The following ZFHX3 variants were observed in gnomAD, a reference collection of about 807,000 sequenced individuals.
ZFHX3 encodes the protein zinc finger homeobox protein 3.
Under a neutral mutation model 279.1 loss-of-function variants are expected in ZFHX3, and 42 were observed. The observed-to-expected ratio is 0.15, with a 90% CI of 0.12 to 0.19. The LOEUF (loss-of-function observed/expected upper bound fraction) is 0.19. Ranked by LOEUF, ZFHX3 falls within the 10% of genes least tolerant of loss-of-function variation. ZFHX3 has a pLI of 1.00. For missense variants in ZFHX3, 4,981 were observed against 4,754.0 expected (o/e 1.05, Z -1.40); for synonymous variants, 2,293 against 1,957.8 (o/e 1.17, Z -4.52).
chr16:73,455,263 A>T (rs1317960751), intron 3 of ZFHX3, among the ~76,000 whole-genome samples: 2 of 152,238 alleles, frequency 1.3e-5, no homozygotes, highest in South Asian at 4.1e-4. Context: ...AATGCTTCCC[A>T]GGAACTTTAC....
At chr16:72,895,202 A>G (rs1597355374) in intron 3 of ZFHX3, among the ~76,000 whole-genome samples, 1 of 152,346 alleles carries the variant, frequency 6.6e-6, no homozygotes, top group Non-Finnish European at 1.5e-5. Context: ...TGATGCAGGC[A>G]GTGTCAGCAG....
chr16:72,968,394 G>A (rs1457331431), intron 1 of ZFHX3, among the ~76,000 whole-genome samples: 1 of 151,792 alleles, frequency 6.6e-6, no homozygotes, highest in African/African-American at 2.4e-5. Context: ...ACATAACTGG[G>A]ACAACTGACA....
chr16:73,485,433 A>AG (rs956376495), intron 2 of ZFHX3, among the ~76,000 whole-genome samples: 3 of 99,786 alleles, frequency 3.0e-5, no homozygotes, highest in African/African-American at 1.6e-4. Context: ...AGAAAAAAAA[A>AG]AAAAAAAAAA....
At chr16:73,558,709 CTT>C (rs989644068) in intron 2 of ZFHX3, among the ~76,000 whole-genome samples, 1,561 of 90,370 alleles carry the variant, frequency 0.017, 15 homozygotes, top group African/African-American at 0.066. Context: ...GAAAATGACT[CTT>C]TTTTTTTTTT....
chr16:73,526,925 C>T (rs1465031006), intron 2 of ZFHX3, among the ~76,000 whole-genome samples: 1 of 151,548 alleles, frequency 6.6e-6, no homozygotes, highest in East Asian at 1.9e-4. Flanking sequence ...CTATACAGTC[C>T]TCATTTTAAG....
intron 3 of ZFHX3, among the ~76,000 whole-genome samples, chr16:72,932,603 A>C (rs961099582): frequency 6.6e-6 from 1 of 150,948 alleles, no homozygotes; most frequent in Non-Finnish European, 1.5e-5. Context: ...ATTTCACTAA[A>C]CATCGGTCAT....
At chr16:73,409,668 ATGTTTATTGCAGCAC>A (rs1220557556) in intron 3 of ZFHX3, among the ~76,000 whole-genome samples, 1 of 152,222 alleles carries the variant, frequency 6.6e-6, no homozygotes, top group Non-Finnish European at 1.5e-5. Flanking sequence ...CTGTACTCTC[ATGTTTATTGCAGCAC>A]TGTTCACAAC....
intron 2 of ZFHX3, among the ~76,000 whole-genome samples, chr16:73,540,351 A>G (rs757986475): frequency 5.3e-5 from 8 of 152,308 alleles, no homozygotes; most frequent in South Asian, 2.1e-4. Flanking sequence ...TTAATCATCT[A>G]TTTTCAAGGA....
intron 3 of ZFHX3, among the ~76,000 whole-genome samples, chr16:73,383,675 T>C (rs1567467232): frequency 7.8e-6 from 1 of 127,902 alleles, no homozygotes; most frequent in East Asian, 2.8e-4. Context: ...CCGAAGGAAC[T>C]GGAGGGGTGG....
chr16:72,991,408 A>C (rs1963083562), intron 1 of ZFHX3, among the ~76,000 whole-genome samples: 1 of 152,160 alleles, frequency 6.6e-6, no homozygotes, highest in Admixed American at 6.5e-5. Flanking sequence ...CGTGGCTAGG[A>C]GTATATGCTC....
At chr16:73,797,892 C>T (rs1481149057) in intron 1 of ZFHX3, among the ~76,000 whole-genome samples, 2 of 139,696 alleles carry the variant, frequency 1.4e-5, no homozygotes, top group Admixed American at 7.6e-5. Flanking sequence ...TTGGCTCACT[C>T]AACCTCTTTC....
At chr16:73,381,304 G>A (rs566048535) in intron 3 of ZFHX3, among the ~76,000 whole-genome samples, 79 of 152,074 alleles carry the variant, frequency 5.2e-4, no homozygotes, top group African/African-American at 1.7e-3. Context: ...TTTTGGAAAC[G>A]GTTAAAAATA....
chr16:73,575,831 C>T (rs1390581045), intron 2 of ZFHX3, among the ~76,000 whole-genome samples: 1 of 152,132 alleles, frequency 6.6e-6, no homozygotes, highest in Non-Finnish European at 1.5e-5. Flanking sequence ...GTCTATCTCA[C>T]TGGAGATGCT....
chr16:73,042,948 A>G (rs1374434066), intron 1 of ZFHX3, among the ~76,000 whole-genome samples: 1 of 151,782 alleles, frequency 6.6e-6, no homozygotes, highest in Non-Finnish European at 1.5e-5. Context: ...AACCAAGCAG[A>G]ATAGAAAGTG....
chr16:73,233,449 G>T (rs2012842167), intron 5 of ZFHX3, among the ~76,000 whole-genome samples: 1 of 152,198 alleles, frequency 6.6e-6, no homozygotes, highest in Non-Finnish European at 1.5e-5. Flanking sequence ...TGTACCTTCT[G>T]ATAGCAGGAG....
chr16:73,212,318 C>T (rs1426463633), intron 5 of ZFHX3, among the ~76,000 whole-genome samples: 1 of 152,124 alleles, frequency 6.6e-6, no homozygotes, highest in Non-Finnish European at 1.5e-5. Context: ...TACTCTAGCA[C>T]ACTGTTTGTC....
chr16:73,676,753 G>A (rs2052958587), intron 2 of ZFHX3, among the ~76,000 whole-genome samples: 1 of 151,570 alleles, frequency 6.6e-6, no homozygotes, highest in African/African-American at 2.4e-5. Flanking sequence ...AGTACAGAAA[G>A]GATGAGTAAA....
intron 8 of ZFHX3, among the ~76,000 whole-genome samples, chr16:72,799,483 G>A (rs2036027441): frequency 6.6e-6 from 1 of 152,148 alleles, no homozygotes; most frequent in African/African-American, 2.4e-5. Flanking sequence ...CCACCTTAGA[G>A]GTGAACGATG....
chr16:73,149,118 A>G (rs1966884481), intron 5 of ZFHX3, among the ~76,000 whole-genome samples: 1 of 148,650 alleles, frequency 6.7e-6, no homozygotes, highest in Non-Finnish European at 1.5e-5. Context: ...TTGATATTTT[A>G]TATAATTACA....
Sources: allele counts gnomAD v4.1 joint callset (sites outside exome capture counted in the v4.1 genomes callset), GRCh38; gene constraint gnomAD v4.1.1; transcripts MANE v1.5; gene names NCBI Gene and HGNC (gene_info 2026-07-23, HGNC 2026-07-21).